PLAGL1: variants seen among roughly 807,000 people sequenced by gnomAD.
PLAGL1 encodes zinc finger protein PLAGL1.
In PLAGL1, 1 loss-of-function variant was observed where a neutral mutation model predicts 4.6. The ratio of observed to expected loss-of-function variants is 0.22; its 90% CI spans 0.08 to 1.03. The LOEUF (loss-of-function observed/expected upper bound fraction) is 1.03. Among genes scored for constraint, PLAGL1 ranks in the 50% least tolerant of loss-of-function variants. The pLI is 0.58. For missense variants in PLAGL1, 464 were observed against 570.4 expected, an observed-to-expected ratio of 0.81 and a Z score of 1.90; for synonymous variants, 240 against 237.8, an observed-to-expected ratio of 1.01 and a Z score of -0.08.
rs1388221230 is a variant in PLAGL1, at chr6:143,963,678, C to T, written c.-399+1109G>A. The stretch of plus-strand genomic sequence containing the variant: ...CTCTTCCCATGTCACTTCCCAGCCT[C>T]TCCAAACTTAGAAGCTCTGCAGTCT... On this transcript the variant is annotated intron_variant, in intron 5 of 7. Transcript: ENST00000674357. The surrounding 1 kb of genome is among the most constrained non-coding windows in gnomAD (Gnocchi z 6.1). Among the ~76,000 whole-genome samples, 2 of 152,208 alleles carry T rather than the reference C, an allele frequency of 1.3e-5. No individual in the cohort carries two copies. The highest frequency in any genetic ancestry group is 2.9e-5 in the Non-Finnish European group (2 of 68,036).
In PLAGL1 at chr6:143,978,876, T is replaced by G. The variant is rs561063610; in HGVS notation, c.-544+6259A>C. Among the ~76,000 whole-genome samples the G allele has an allele frequency of 3.3e-5, 5 of 152,324 alleles. No individual in the cohort carries two copies. In the East Asian group the frequency reaches 9.6e-4, roughly 29 times the overall value. On this transcript the variant is annotated intron_variant, in intron 2 of 7. Transcript: ENST00000674357. The surrounding 1 kb of genome is among the most constrained non-coding windows in gnomAD (Gnocchi z 4.6). ...ATAGCCTTCTTGGTTTTCCAACTAC[T>G]TGATCTATTATCTATTGAAGGAAGG...
At chr6:144,038,622 T>G (rs549318650) in intron 1 of PLAGL1, among the ~76,000 whole-genome samples, 15 of 152,268 alleles carry the variant, frequency 9.9e-5, no homozygotes, top group African/African-American at 3.4e-4. Context: ...AAATGACATG[T>G]CCAAACAAAG....
Position 144,013,708 on chromosome 6 carries a change from T to C in PLAGL1, c.-150-44730A>G, listed in dbSNP as rs1173324598. Among the ~76,000 whole-genome samples, 1 of 152,212 alleles carries C rather than the reference T, an allele frequency of 6.6e-6. No homozygotes were observed. ...TTGGCTTGCGGCCACAGCATGCCAA[T>C]CTCTGCCTCCATCTTCACAACGCCT... On this transcript the variant is annotated intron_variant, in intron 1 of 3. Coordinates refer to the PLAGL1 transcript ENST00000437412. This position sits in a 1 kb window ranked among gnomAD's most constrained non-coding sequence, Gnocchi z 4.4.
chr6:143,985,483 C>T lies in PLAGL1; in HGVS notation c.-583-309G>A, dbSNP rs574322822. 6.6e-6 allele frequency among the ~76,000 whole-genome samples: 1 copy of T among 152,284 alleles called. No homozygotes were observed. The highest frequency in any genetic ancestry group is 1.9e-4 in the East Asian group (1 of 5,184). ...GAACAGTTCCATCACAAGGATCCAT[C>T]ATGTTGCCCTTTTACAATCACACAC... On this transcript the variant is annotated intron_variant, in intron 1 of 7. Coordinates refer to ENST00000674357, the MANE Select transcript of PLAGL1 (RefSeq NM_001317162.2). This position sits in a 1 kb window ranked among gnomAD's most constrained non-coding sequence, Gnocchi z 4.4.
chr6:144,049,321 T>C (rs533649061), intron 1 of PLAGL1, among the ~76,000 whole-genome samples: 4 of 152,348 alleles, frequency 2.6e-5, no homozygotes, highest in African/African-American at 9.6e-5. Context: ...TGTTACCCAG[T>C]TCCAAAGTTG....
Position 144,056,257 on chromosome 6 carries a change from G to C in PLAGL1, c.-151+8211C>G, listed in dbSNP as rs1286930026. Among the ~76,000 whole-genome samples the C allele has an allele frequency of 6.6e-6, 1 of 152,046 alleles. No individual in the cohort carries two copies. The highest frequency in any genetic ancestry group is 2.4e-5 in the African/African-American group (1 of 41,388). The stretch of plus-strand genomic sequence containing the variant: ...CTTACATGTCCCATCCCCCACACAC[G>C]CACAGCCTCCCCTATTACCGGCATC... On this transcript the variant is annotated intron_variant, in intron 1 of 3. Coordinates refer to the PLAGL1 transcript ENST00000437412. This position sits in a 1 kb window ranked among gnomAD's most constrained non-coding sequence, Gnocchi z 4.7.
rs757258547 is a variant in PLAGL1 at position 144,034,333 on chromosome 6, C to G, written c.-151+30135G>C. On this transcript the variant is annotated intron_variant, in intron 1 of 3. Coordinates refer to the PLAGL1 transcript ENST00000437412. The surrounding 1 kb of genome is among the most constrained non-coding windows in gnomAD (Gnocchi z 4.7). ...GCCTCTAGGCCCCAGATTGCTGACT[C>G]AGGCTGCTGGGCACACAGCCCCCAG... is the stretch of plus-strand genomic sequence containing the variant. 1.2e-4 allele frequency among the ~76,000 whole-genome samples: 19 copies of G among 152,200 alleles called. No homozygotes were observed. The highest frequency in any genetic ancestry group is 2.6e-4 in the Non-Finnish European group (18 of 68,034).
intron 1 of PLAGL1, among the ~76,000 whole-genome samples, chr6:144,028,585 C>A (rs368381720): frequency 6.6e-6 from 1 of 152,170 alleles, no homozygotes; most frequent in Admixed American, 6.5e-5. Flanking sequence ...GTGAGCTGCA[C>A]CTTCTCCCAG....
chr6:144,048,048 T>C lies in PLAGL1; in HGVS notation c.-151+16420A>G, dbSNP rs1798294329. The stretch of plus-strand genomic sequence containing the variant: ...CAAAACAAAAGGGCTACAGGCTCCA[T>C]GCAAGTCCAAAATCCAAGGGGACAG... On this transcript the variant is annotated intron_variant, in intron 1 of 3. Transcript: ENST00000437412. This position sits in a 1 kb window ranked among gnomAD's most constrained non-coding sequence, Gnocchi z 4.8. 6.6e-6 allele frequency among the ~76,000 whole-genome samples: 1 copy of C among 152,194 alleles called. No individual in the cohort carries two copies. Among genetic ancestry groups the C allele is most frequent in the African/African-American group, 2.4e-5 (1 of 41,458 alleles).
Position 143,982,083 on chromosome 6 carries a change from T to C in PLAGL1, c.-544+3052A>G, listed in dbSNP as rs73781342. ...GAAGCGCACCAATGAATTAAGCTTA[T>C]CTTTGAATTAATTGTTTCTAGTAGC... On this transcript the variant is annotated intron_variant, in intron 2 of 7. Coordinates refer to ENST00000674357, the MANE Select transcript of PLAGL1 (RefSeq NM_001317162.2). This position sits in a 1 kb window ranked among gnomAD's most constrained non-coding sequence, Gnocchi z 5.3. Among the ~76,000 whole-genome samples, 890 of 152,272 alleles carry C rather than the reference T, an allele frequency of 5.8e-3. 3 individuals are homozygous for C. Among genetic ancestry groups the C allele is most frequent in the African/African-American group, 0.02 (848 of 41,544 alleles).
In PLAGL1 at chr6:143,972,513, G is replaced by A. The variant is rs1301931914; in HGVS notation, c.-543-3535C>T. 2.0e-5 allele frequency among the ~76,000 whole-genome samples: 3 copies of A among 152,040 alleles called. No individual in the cohort carries two copies. The highest frequency in any genetic ancestry group is 1.3e-4 in the Admixed American group (2 of 15,258). The stretch of plus-strand genomic sequence containing the variant: ...TTTATCAACTATTATAATGTCAGGC[G>A]CTAATCTTGGTCTGCTAGCCAGTTT... On this transcript the variant is annotated intron_variant, in intron 2 of 7. Coordinates refer to ENST00000674357, the MANE Select transcript of PLAGL1 (RefSeq NM_001317162.2). The surrounding 1 kb of genome is among the most constrained non-coding windows in gnomAD (Gnocchi z 6.8).
At chr6:143,943,040 T>TTTTTTTTG (rs1778998362) in intron 7 of PLAGL1, among the ~76,000 whole-genome samples, 1 of 139,530 alleles carries the variant, frequency 7.2e-6, no homozygotes, top group African/African-American at 2.6e-5. Flanking sequence ...AATTTTTTTT[T>TTTTTTTTG]TTTTTTTTTT....
rs2062243935 is a variant in PLAGL1 at position 144,063,775 on chromosome 6, A to G, written c.-151+693T>C. ...ACCCAACACGGCTGTGCACCCGCCA[A>G]AGTGCCCACGCCCACCGTGGCGGGG... On this transcript the variant is annotated intron_variant, in intron 1 of 3. Coordinates refer to the PLAGL1 transcript ENST00000437412. This position sits in a 1 kb window ranked among gnomAD's most constrained non-coding sequence, Gnocchi z 5.7. 6.6e-6 allele frequency among the ~76,000 whole-genome samples: 1 copy of G among 152,132 alleles called. No individual in the cohort carries two copies. The highest frequency in any genetic ancestry group is 2.1e-4 in the South Asian group (1 of 4,822).
rs960713154 is a variant in PLAGL1 at position 143,994,653 on chromosome 6, C to T, written c.-583-9479G>A. Among the ~76,000 whole-genome samples, 2 of 152,140 alleles carry T rather than the reference C, an allele frequency of 1.3e-5. No homozygotes were observed. Among genetic ancestry groups the T allele is most frequent in the Non-Finnish European group, 2.9e-5 (2 of 68,034 alleles). ...CCACTGGAGCAGCTCATATTCGGTCCCAACATTTTATTCCTGCTTGCGTTT... is the reference window on the plus strand; with the variant it reads ...CCACTGGAGCAGCTCATATTCGGTCTCAACATTTTATTCCTGCTTGCGTTT... On this transcript the variant is annotated intron_variant, in intron 1 of 7. Transcript: ENST00000674357. This position sits in a 1 kb window ranked among gnomAD's most constrained non-coding sequence, Gnocchi z 4.3.
At position 144,015,884 on chromosome 6, in the gene PLAGL1, T is replaced by C. The variant is rs982803477; in HGVS notation, c.-150-46906A>G. Among the ~76,000 whole-genome samples the C allele has an allele frequency of 3.3e-5, 5 of 152,200 alleles. No homozygotes were observed. Among genetic ancestry groups the C allele is most frequent in the Non-Finnish European group, 5.9e-5 (4 of 68,038 alleles). On this transcript the variant is annotated intron_variant, in intron 1 of 3. Transcript: ENST00000437412. The surrounding 1 kb of genome is among the most constrained non-coding windows in gnomAD (Gnocchi z 4.3). ...CCAGCAATCTCAGTCTTAGGTATTT[T>C]ATCCAAGAGAAATGATAACATGTCT...
At chr6:144,057,824 A>T in intron 1 of PLAGL1, among the ~76,000 whole-genome samples, 1 of 144,238 alleles carries the variant, frequency 6.9e-6, no homozygotes, top group Non-Finnish European at 1.5e-5. Flanking sequence ...CTCTTCTTTC[A>T]GCCCAAAGCC....
At chr6:144,049,364 C>T (rs969877552) in intron 1 of PLAGL1, among the ~76,000 whole-genome samples, 11 of 152,170 alleles carry the variant, frequency 7.2e-5, no homozygotes, top group African/African-American at 2.4e-4. Flanking sequence ...TATAGCAATA[C>T]CCCACTACCT....
chr6:143,997,461 GATAGATGCATCAAC>G lies in PLAGL1; in HGVS notation c.-584+10615_-584+10628del, dbSNP rs1791891412. ...AAAAATACAAAAAGAACTACCTATT[GATAGATGCATCAAC>G]ACAGATGACTCTAAAAAATTTACGC... On this transcript the variant is annotated intron_variant, in intron 1 of 7. Transcript: ENST00000674357. The surrounding 1 kb of genome is among the most constrained non-coding windows in gnomAD (Gnocchi z 4.6). Among the ~76,000 whole-genome samples, 1 of 152,158 alleles carries G rather than the reference GATAGATGCATCAAC, an allele frequency of 6.6e-6. No individual in the cohort carries two copies. The highest frequency in any genetic ancestry group is 6.5e-5 in the Admixed American group (1 of 15,280).
rs536255195 is a variant in PLAGL1 at position 143,964,901 on chromosome 6, G to A, written c.-430-83C>T. ...TGCTAAAACAAACAAAAACACCCAA[G>A]TGGGGGGGGAACGGAAGTCTACTTG... On this transcript the variant is annotated intron_variant, in intron 4 of 7. Transcript: ENST00000674357. This position sits in a 1 kb window ranked among gnomAD's most constrained non-coding sequence, Gnocchi z 4.3. 6.6e-6 allele frequency: 1 copy of A among 152,252 alleles called. No homozygotes were observed. Among genetic ancestry groups the A allele is most frequent in the East Asian group, 1.9e-4 (1 of 5,178 alleles). The allele number at this position is 152,252 out of a possible 1,614,324, so 9.4% of individuals were successfully genotyped here.
Sources: allele counts gnomAD v4.1 joint callset (sites outside exome capture counted in the v4.1 genomes callset), GRCh38; gene constraint gnomAD v4.1.1; non-coding constraint Gnocchi (gnomAD v3.1); transcripts MANE v1.5; gene names NCBI Gene and HGNC (gene_info 2026-07-23, HGNC 2026-07-21).